DNAH7: variants seen among roughly 807,000 people sequenced by gnomAD.
DNAH7 encodes dynein axonemal heavy chain 7, also known as axonemal beta dynein heavy chain 7.
A neutral mutation model predicts 444.6 loss-of-function variants in DNAH7; 397 were observed. That is an observed-to-expected ratio of 0.89 (90% confidence interval 0.82 to 0.97). The LOEUF (loss-of-function observed/expected upper bound fraction) is 0.97. DNAH7 is among the 50% of genes least tolerant of loss of function. The probability of loss-of-function intolerance (pLI) is 0.00; values close to 1 mark genes in which losing one functional copy is unlikely to be tolerated. For missense variants in DNAH7, 4,902 were observed against 4,800.8 expected, an observed-to-expected ratio of 1.02 and a Z score of -0.62; for synonymous variants, 1,636 against 1,624.4, an observed-to-expected ratio of 1.01 and a Z score of -0.17.
intron 19 of DNAH7, among the ~76,000 whole-genome samples, chr2:195,937,484 T>G (rs1425316082): frequency 6.6e-6 from 1 of 152,094 alleles, no homozygotes; most frequent in East Asian, 1.9e-4. Context: ...CAATCAAATA[T>G]TTTTAAAAGA....
chr2:196,068,454 G>C, intron 1 of DNAH7: 1 of 561,870 alleles, frequency 1.8e-6, no homozygotes. Context: ...TCCCCCTGCT[G>C]GCGCGCCGCT....
At chr2:195,788,245 G>A (rs1695721685) in intron 57 of DNAH7, among the ~76,000 whole-genome samples, 1 of 152,184 alleles carries the variant, frequency 6.6e-6, no homozygotes, top group South Asian at 2.1e-4. Context: ...TTGGAGCTGA[G>A]CAGTCAGTAT....
At chr2:195,835,780 G>A (rs1698338637) in intron 47 of DNAH7, among the ~76,000 whole-genome samples, 1 of 152,158 alleles carries the variant, frequency 6.6e-6, no homozygotes, top group Non-Finnish European at 1.5e-5. Context: ...GGAGCCAGAG[G>A]TTGCAGTGAG....
chr2:195,959,274 GT>G (rs1212102643), intron 18 of DNAH7, among the ~76,000 whole-genome samples: 13 of 152,040 alleles, frequency 8.6e-5, no homozygotes, highest in Non-Finnish European at 1.6e-4. Context: ...CACTGAATTT[GT>G]TTAACCTCTT....
At chr2:195,947,843 G>A (rs1689925904) in intron 19 of DNAH7, among the ~76,000 whole-genome samples, 1 of 151,952 alleles carries the variant, frequency 6.6e-6, no homozygotes, top group South Asian at 2.1e-4. Context: ...GGTATTTCTG[G>A]TCCTAGATCC....
intron 48 of DNAH7, among the ~76,000 whole-genome samples, chr2:195,826,636 A>C (rs974840431): frequency 6.6e-5 from 10 of 152,136 alleles, no homozygotes; most frequent in African/African-American, 2.4e-4. Flanking sequence ...TTGGTTAACT[A>C]TATATTTTTT....
intron 12 of DNAH7, among the ~76,000 whole-genome samples, chr2:195,994,081 A>G (rs1371358198): frequency 6.6e-6 from 1 of 152,120 alleles, no homozygotes; most frequent in African/African-American, 2.4e-5. Flanking sequence ...CAAGTTGTTT[A>G]TTTTTTTAAA....
intron 1 of DNAH7, chr2:196,063,682 CAT>C (rs1698257519): frequency 6.6e-6 from 1 of 152,364 alleles, no homozygotes; most frequent in Non-Finnish European, 1.5e-5. Flanking sequence ...CCTCAGCACA[CAT>C]GTTGATCCCG....
At chr2:196,064,577 AT>A (rs1559383355) in intron 1 of DNAH7, among the ~76,000 whole-genome samples, 1 of 152,134 alleles carries the variant, frequency 6.6e-6, no homozygotes, top group Non-Finnish European at 1.5e-5. Context: ...CCATCCTGGA[AT>A]TTTGTGTTTA....
intron 15 of DNAH7, among the ~76,000 whole-genome samples, chr2:195,982,134 G>C (rs1692616549): frequency 6.6e-6 from 1 of 151,966 alleles, no homozygotes; most frequent in Non-Finnish European, 1.5e-5. Flanking sequence ...CAACTCTATA[G>C]AAAAATCTCT....
intron 48 of DNAH7, among the ~76,000 whole-genome samples, chr2:195,832,688 C>T (rs536045484): frequency 2.6e-5 from 4 of 152,026 alleles, no homozygotes; most frequent in Non-Finnish European, 5.9e-5. Flanking sequence ...GTAATCCTCC[C>T]GTCTCAGCCT....
intron 12 of DNAH7, among the ~76,000 whole-genome samples, chr2:196,000,195 G>C (rs527975350): frequency 9.2e-5 from 14 of 152,158 alleles, no homozygotes; most frequent in African/African-American, 3.1e-4. Flanking sequence ...TACAAAACTA[G>C]AAAACATTGT....
intron 61 of DNAH7, among the ~76,000 whole-genome samples, chr2:195,764,040 A>T (rs1212456172): frequency 6.6e-6 from 1 of 152,020 alleles, no homozygotes; most frequent in Non-Finnish European, 1.5e-5. Context: ...ATTCATCATG[A>T]TCAAGTGGGA....
At chr2:195,814,900 C>A (rs1697153136) in intron 51 of DNAH7, among the ~76,000 whole-genome samples, 1 of 151,918 alleles carries the variant, frequency 6.6e-6, no homozygotes, top group Admixed American at 6.6e-5. Flanking sequence ...ACCACCGTGC[C>A]CAGCTAAATT....
intron 38 of DNAH7, among the ~76,000 whole-genome samples, chr2:195,874,358 A>G (rs1372063729): frequency 6.6e-6 from 1 of 152,198 alleles, no homozygotes; most frequent in Non-Finnish European, 1.5e-5. Flanking sequence ...AGATGGTAAG[A>G]TCATCTACCC....
chr2:196,064,297 CAG>C (rs993040304), intron 1 of DNAH7, among the ~76,000 whole-genome samples: 5 of 150,738 alleles, frequency 3.3e-5, no homozygotes, highest in African/African-American at 1.2e-4. Flanking sequence ...GCCTAGGTGA[CAG>C]AGTGAGACTC....
At chr2:195,903,797 T>C (rs1252955935) in intron 27 of DNAH7, 2 of 152,092 alleles carry the variant, frequency 1.3e-5, no homozygotes, top group Non-Finnish European at 2.9e-5. Flanking sequence ...AATATTCCCT[T>C]TGAAGGGAGC....
chr2:195,938,125 G>A (rs1206855690), intron 19 of DNAH7, among the ~76,000 whole-genome samples: 1 of 151,912 alleles, frequency 6.6e-6, no homozygotes, highest in African/African-American at 2.4e-5. Flanking sequence ...CTTTGAATGT[G>A]TCTGAAAAGG....
intron 58 of DNAH7, among the ~76,000 whole-genome samples, chr2:195,785,073 G>A (rs1329312943): frequency 2.0e-5 from 3 of 151,916 alleles, no homozygotes; most frequent in Admixed American, 6.6e-5. Context: ...CATCACGCCC[G>A]GCTAATTTTT....
Sources: allele counts gnomAD v4.1 joint callset (sites outside exome capture counted in the v4.1 genomes callset), GRCh38; gene constraint gnomAD v4.1.1; transcripts MANE v1.5; gene names NCBI Gene and HGNC (gene_info 2026-07-23, HGNC 2026-07-21).